Variants in MYO9B observed in about 807,000 individuals in gnomAD.
The protein encoded by MYO9B is unconventional myosin-IXb.
Under a neutral mutation model 229.5 loss-of-function variants are expected in MYO9B, and 71 were observed. The observed-to-expected ratio is 0.31, with a 90% CI of 0.26 to 0.38. MYO9B has a LOEUF of 0.38. Ranked by LOEUF, MYO9B falls within the 10% of genes least tolerant of loss-of-function variation. The pLI is 1.00. For synonymous variants in MYO9B, 1,185 were observed against 1,235.8 expected (o/e 0.96, Z 0.86); for missense variants, 2,255 against 2,920.5 (o/e 0.77, Z 5.25).
intron 4 of MYO9B, 197 bp downstream of exon 4, chr19:17,152,903 C>T: frequency 1.7e-6 from 1 of 576,986 alleles, no homozygotes; most frequent in South Asian, 2.1e-5. Context: ...TGTCCTCATA[C>T]CTCCCAAGCC....
intron 36 of MYO9B, among the ~76,000 whole-genome samples, chr19:17,209,938 C>T (rs1431036476): frequency 1.3e-5 from 2 of 152,142 alleles, no homozygotes; most frequent in African/African-American, 4.8e-5. Context: ...ACTCCTACCA[C>T]ACCCTTGGCC....
chr19:17,110,266 A>G (rs2057834905), intron 2 of MYO9B, among the ~76,000 whole-genome samples: 1 of 152,206 alleles, frequency 6.6e-6, no homozygotes, highest in South Asian at 2.1e-4. Context: ...GGTTCCAATC[A>G]GCTGATCTGC....
chr19:17,179,125 GA>G (rs908802373), intron 14 of MYO9B, among the ~76,000 whole-genome samples: 1 of 151,322 alleles, frequency 6.6e-6, no homozygotes, highest in Admixed American at 6.6e-5. Flanking sequence ...GTAGGGTGTT[GA>G]GCAGCATCCC....
intron 37 of MYO9B, 47 bp from the exon 38 acceptor site, chr19:17,210,668 T>C (rs1014376526): frequency 1.8e-5 from 27 of 1,491,010 alleles, no homozygotes; most frequent in Non-Finnish European, 2.4e-5. Flanking sequence ...GGCAGTAACC[T>C]CGCCCACTCA....
intron 2 of MYO9B, among the ~76,000 whole-genome samples, chr19:17,132,927 A>C (rs1159368623): frequency 6.7e-6 from 1 of 149,798 alleles, no homozygotes; most frequent in Non-Finnish European, 1.5e-5. Flanking sequence ...GGCTCACTGC[A>C]AGCTCCACCT....
chr19:17,165,064 C>G (rs780213257), intron 10 of MYO9B, among the ~76,000 whole-genome samples: 1 of 152,006 alleles, frequency 6.6e-6, no homozygotes, highest in South Asian at 2.1e-4. Flanking sequence ...GAGACAGGGT[C>G]TTGCTATGTT....
chr19:17,207,105 C>T lies in MYO9B; in HGVS notation c.5493-8C>T. 1 of 1,610,554 alleles carries T rather than the reference C, an allele frequency of 6.2e-7. No individual in the cohort carries two copies. Among genetic ancestry groups the T allele is most frequent in the African/African-American group, 1.3e-5 (1 of 75,002 alleles). ...CTAGCCATCCTCTAACTGCCAGTGG[C>T]TGTGCAGGGTGGCCCTGCTCGAGGA... On this transcript the variant is annotated splice_region_variant and splice_polypyrimidine_tract_variant and intron_variant, in intron 34 of 39. Coordinates refer to ENST00000682292, the MANE Select transcript of MYO9B (RefSeq NM_004145.4).
intron 2 of MYO9B, 25 bp downstream of exon 2, chr19:17,102,582 G>A (rs771662633): frequency 5.4e-5 from 83 of 1,531,678 alleles, no homozygotes; most frequent in Middle Eastern, 1.7e-4. Flanking sequence ...TGGTCGGTCT[G>A]TGGGAGGGGG....
chr19:17,111,866 T>TG (rs2057850966), intron 2 of MYO9B, among the ~76,000 whole-genome samples: 1 of 152,242 alleles, frequency 6.6e-6, no homozygotes, highest in African/African-American at 2.4e-5. Flanking sequence ...TTCAGATCAA[T>TG]GGAATCTCTC....
At chr19:17,128,430 G>C (rs1468820854) in intron 2 of MYO9B, among the ~76,000 whole-genome samples, 1 of 152,124 alleles carries the variant, frequency 6.6e-6, no homozygotes, top group African/African-American at 2.4e-5. Flanking sequence ...GGACCTGGGG[G>C]TTTATTTCCC....
In MYO9B at chr19:17,211,929, G is replaced by GCCCCCCC. The variant is rs1568306128; in HGVS notation, c.6096_6097insCCCCCCC (p.Thr2033ProfsTer169). 1.9e-6 allele frequency: 3 copies of GCCCCCCC among 1,552,362 alleles called. No individual in the cohort carries two copies. The highest frequency in any genetic ancestry group is 2.8e-5 in the African/African-American group (2 of 72,096). On this transcript the variant is annotated frameshift_variant, in exon 40 of 40. Coordinates refer to ENST00000682292, the MANE Select transcript of MYO9B (RefSeq NM_004145.4). LOFTEE classifies it low-confidence loss of function (END_TRUNC). ...CGCCTGCTCTCCCTTGCCCCGGCGC[G>GCCCCCCC]CCCACCCCGAGCCCCCTCCCCACCG...
rs1240064331 is a variant in MYO9B, at chr19:17,163,068, C to T, written c.1617C>T (p.Tyr539=). 7 of 1,588,040 alleles carry T rather than the reference C, an allele frequency of 4.4e-6. 1 individual carries two copies. Among genetic ancestry groups the T allele is most frequent in the Non-Finnish European group, 1.7e-6 (2 of 1,166,702 alleles). Residue 539 remains tyrosine (Y), a synonymous_variant, in exon 10 of 40, where the codon TAC becomes TAT. Coordinates refer to ENST00000682292, the MANE Select transcript of MYO9B (RefSeq NM_004145.4). ...RNSFEQFCIN[Y]ANEQLQYYFN... Reference sequence around the variant, plus strand: ...GCTTTGAGCAGTTCTGCATCAACTACGCCAATGAGCAGCTGCAGTATTACT... The same window carrying T: ...GCTTTGAGCAGTTCTGCATCAACTATGCCAATGAGCAGCTGCAGTATTACT...
At chr19:17,192,673 A>T (rs1018360635) in intron 20 of MYO9B, 73 bp from the exon 21 acceptor site, 1 of 1,363,278 alleles carries the variant, frequency 7.3e-7, no homozygotes, top group East Asian at 2.6e-5. Flanking sequence ...GGAGTGGGCT[A>T]TGCAGACCTC....
At chr19:17,113,990 C>T (rs947303762) in intron 2 of MYO9B, among the ~76,000 whole-genome samples, 4 of 152,046 alleles carry the variant, frequency 2.6e-5, no homozygotes, top group Admixed American at 6.5e-5. Context: ...TGGATCATTC[C>T]GTTATGGCCA....
intron 2 of MYO9B, among the ~76,000 whole-genome samples, chr19:17,140,426 C>G (rs1451453564): frequency 6.6e-6 from 1 of 151,994 alleles, no homozygotes; most frequent in Non-Finnish European, 1.5e-5. Flanking sequence ...CATGAGGGCC[C>G]CATGTAAGTG....
At chr19:17,139,676 C>G (rs915516483) in intron 2 of MYO9B, among the ~76,000 whole-genome samples, 2 of 151,852 alleles carry the variant, frequency 1.3e-5, no homozygotes, top group Non-Finnish European at 2.9e-5. Context: ...GAGGTTGAGG[C>G]TGCAGTGAGC....
intron 14 of MYO9B, among the ~76,000 whole-genome samples, chr19:17,178,927 A>T (rs1176196314): frequency 6.7e-6 from 1 of 149,360 alleles, no homozygotes; most frequent in East Asian, 2.1e-4. Flanking sequence ...GCTACTGGGG[A>T]GGCTGAGGCA....
chr19:17,092,436 C>T (rs527747793), intron 1 of MYO9B, among the ~76,000 whole-genome samples: 10 of 152,260 alleles, frequency 6.6e-5, no homozygotes, highest in Middle Eastern at 3.4e-3. Context: ...CAAGCATATA[C>T]GTGTGGCTGG....
chr19:17,121,163 G>A (rs934286355), intron 2 of MYO9B, among the ~76,000 whole-genome samples: 5 of 152,042 alleles, frequency 3.3e-5, no homozygotes, highest in East Asian at 3.9e-4. Flanking sequence ...GCCTGGTCTC[G>A]AACTCCTGGA....
Sources: gnomAD v4.1 joint callset for allele counts (sites outside exome capture counted in the v4.1 genomes callset) on GRCh38, gnomAD v4.1.1 for gene constraint, MANE v1.5 for transcripts, NCBI Gene and HGNC (gene_info 2026-07-23, HGNC 2026-07-21) for gene names.